NCAM2: variants seen among roughly 807,000 people sequenced by gnomAD.
The protein encoded by NCAM2 is neural cell adhesion molecule 2, also known as N-CAM-2.
NCAM2 carries 30 observed loss-of-function variants against 98.1 expected under a neutral mutation model. That is an observed-to-expected ratio of 0.31 (90% CI 0.23 to 0.41). The LOEUF is 0.41. Ranked by LOEUF, NCAM2 falls within the 10% of genes least tolerant of loss-of-function variation. The pLI is 1.00. For missense variants in NCAM2, 867 were observed against 1,005.8 expected (o/e 0.86, Z 1.87); for synonymous variants, 368 against 342.4 (o/e 1.07, Z -0.83).
At chr21:21,016,088 A>G (rs1017925818) in intron 1 of NCAM2, among the ~76,000 whole-genome samples, 2 of 152,154 alleles carry the variant, frequency 1.3e-5, no homozygotes, top group African/African-American at 4.8e-5. Flanking sequence ...CTCAATACTC[A>G]TTGGCTATAA....
chr21:21,387,374 G>A (rs933972072), intron 9 of NCAM2, among the ~76,000 whole-genome samples: 1 of 152,108 alleles, frequency 6.6e-6, no homozygotes, highest in African/African-American at 2.4e-5. Flanking sequence ...TAGCAATTTA[G>A]GGAGGACACA....
At chr21:21,333,941 A>G (rs1789120680) in intron 6 of NCAM2, among the ~76,000 whole-genome samples, 1 of 151,980 alleles carries the variant, frequency 6.6e-6, no homozygotes, top group African/African-American at 2.4e-5. Context: ...TATATAAAAG[A>G]TACTATATAT....
Position 21,534,583 on chromosome 21 carries a change from G to A in NCAM2, c.2329G>A (p.Glu777Lys), listed in dbSNP as rs868144893. ...EPIVEMRTED[E>K]RVTNHEDGSP... ...AATAGTGGAGATGAGAACAGAGGAT[G>A]AAAGAGTTACTAATCACGAAGATGG... Residue 777 changes from glutamate to lysine, a missense_variant, in exon 17 of 18, where the codon GAA becomes AAA. Glu to Lys is a moderately conservative substitution (Grantham distance 56). Coordinates refer to ENST00000400546, the MANE Select transcript of NCAM2 (RefSeq NM_004540.5). 1.2e-6 allele frequency: 2 copies of A among 1,606,882 alleles called. No homozygotes were observed. The highest frequency in any genetic ancestry group is 1.7e-4 in the Middle Eastern group (1 of 6,038).
chr21:21,213,062 A>C (rs1468850158), intron 1 of NCAM2, among the ~76,000 whole-genome samples: 1 of 152,120 alleles, frequency 6.6e-6, no homozygotes, highest in Non-Finnish European at 1.5e-5. Flanking sequence ...TAAAATGTAG[A>C]TCACTAACTA....
At chr21:21,332,047 C>A (rs560962362) in intron 6 of NCAM2, among the ~76,000 whole-genome samples, 1 of 151,882 alleles carries the variant, frequency 6.6e-6, no homozygotes, top group African/African-American at 2.4e-5. Flanking sequence ...CGACTACAGG[C>A]GCCCACCACC....
intron 5 of NCAM2, among the ~76,000 whole-genome samples, chr21:21,295,210 A>G (rs1423681722): frequency 6.9e-6 from 1 of 143,892 alleles, no homozygotes; most frequent in Non-Finnish European, 1.5e-5. Flanking sequence ...TGTTCTTGCA[A>G]AACTTTTCCA....
chr21:21,456,301 G>C (rs1019290536), intron 12 of NCAM2, among the ~76,000 whole-genome samples: 4 of 151,976 alleles, frequency 2.6e-5, no homozygotes, highest in Non-Finnish European at 4.4e-5. Flanking sequence ...ACTACAAAAG[G>C]CCTAAGAATA....
chr21:21,200,848 TTGTG>T (rs1414125063), intron 1 of NCAM2, among the ~76,000 whole-genome samples: 1 of 151,034 alleles, frequency 6.6e-6, no homozygotes, highest in East Asian at 1.9e-4. Flanking sequence ...GTGTGTGTGT[TTGTG>T]TGTGTGAGAG....
intron 15 of NCAM2, among the ~76,000 whole-genome samples, chr21:21,488,020 A>G (rs1986535895): frequency 6.6e-6 from 1 of 152,150 alleles, no homozygotes; most frequent in Non-Finnish European, 1.5e-5. Context: ...CATTCCTGGT[A>G]TACATGAACA....
intron 1 of NCAM2, among the ~76,000 whole-genome samples, chr21:21,247,504 C>A (rs1177199404): frequency 1.3e-5 from 2 of 152,140 alleles, no homozygotes; most frequent in Admixed American, 1.3e-4. Flanking sequence ...GAAAATCTAT[C>A]TAGGTATTCC....
intron 8 of NCAM2, among the ~76,000 whole-genome samples, chr21:21,356,595 T>C (rs1438768854): frequency 4.6e-5 from 7 of 152,190 alleles, no homozygotes; most frequent in African/African-American, 1.2e-4. Context: ...GTAACTAACA[T>C]TTCCTTTATT....
chr21:21,082,281 C>CAAAAAAAAAAAAAAAAAAA (rs11384165), intron 1 of NCAM2, among the ~76,000 whole-genome samples: 3 of 127,858 alleles, frequency 2.3e-5, no homozygotes, highest in African/African-American at 5.9e-5. Flanking sequence ...GAGCTCAAAA[C>CAAAAAAAAAAAAAAAAAAA]AAAAAAAAAA....
At chr21:21,417,211 T>C (rs930293661) in intron 10 of NCAM2, among the ~76,000 whole-genome samples, 2 of 152,154 alleles carry the variant, frequency 1.3e-5, no homozygotes, top group Non-Finnish European at 2.9e-5. Context: ...CATATGCATG[T>C]AGAATAAGAA....
chr21:21,266,889 T>C (rs185883243), intron 1 of NCAM2, among the ~76,000 whole-genome samples: 45 of 152,258 alleles, frequency 3.0e-4, no homozygotes, highest in African/African-American at 1.0e-3. Context: ...ATAATAATTA[T>C]GCCCAAAATG....
intron 1 of NCAM2, chr21:21,147,326 T>C (rs1240967516): frequency 2.1e-6 from 2 of 969,254 alleles, no homozygotes; most frequent in Non-Finnish European, 2.5e-6. Context: ...ATTTGTTGAA[T>C]GTTGAAAGAA....
intron 1 of NCAM2, among the ~76,000 whole-genome samples, chr21:21,063,445 T>C (rs1450593074): frequency 6.6e-6 from 1 of 151,926 alleles, no homozygotes; most frequent in Non-Finnish European, 1.5e-5. Flanking sequence ...GGTCTTGAGC[T>C]CCTGGCCTCA....
intron 1 of NCAM2, among the ~76,000 whole-genome samples, chr21:21,163,045 A>C (rs2067835598): frequency 1.3e-5 from 2 of 152,180 alleles, no homozygotes; most frequent in South Asian, 4.1e-4. Flanking sequence ...TCCAATTAGC[A>C]TATTCTTTCA....
At chr21:21,324,913 CA>C (rs1222074525) in intron 6 of NCAM2, among the ~76,000 whole-genome samples, 2 of 151,826 alleles carry the variant, frequency 1.3e-5, no homozygotes, top group East Asian at 3.9e-4. Context: ...GTATTATACA[CA>C]AAATGTTGTA....
intron 1 of NCAM2, among the ~76,000 whole-genome samples, chr21:21,136,888 T>C (rs1601467825): frequency 8.4e-6 from 1 of 118,932 alleles, no homozygotes; most frequent in East Asian, 2.5e-4. Context: ...TGAATGTTAA[T>C]AGTAAATAAT....
Sources: allele counts gnomAD v4.1 joint callset (sites outside exome capture counted in the v4.1 genomes callset), GRCh38; gene constraint gnomAD v4.1.1; transcripts MANE v1.5; gene names NCBI Gene and HGNC (gene_info 2026-07-23, HGNC 2026-07-21).